FAM178B: variants seen among roughly 807,000 people sequenced by gnomAD.
The protein encoded by FAM178B is family with sequence similarity 178 member B.
In FAM178B, 82 loss-of-function variants were observed where a neutral mutation model predicts 91.7. The ratio of observed to expected loss-of-function variants is 0.89; its 90% CI spans 0.75 to 1.07. The LOEUF (loss-of-function observed/expected upper bound fraction) is 1.07, where lower values mean the gene tolerates loss of function less well. Ranked by LOEUF, FAM178B falls within the 50% of genes least tolerant of loss-of-function variation. FAM178B has a pLI of 0.00. For synonymous variants in FAM178B, 368 were observed against 359.4 expected (o/e 1.02, Z -0.27); for missense variants, 769 against 846.7 (o/e 0.91, Z 1.14).
intron 8 of FAM178B, among the ~76,000 whole-genome samples, chr2:96,931,797 T>A (rs772204639): frequency 6.6e-6 from 1 of 151,760 alleles, no homozygotes; most frequent in African/African-American, 2.4e-5. Context: ...GTATATGGGT[T>A]GAGACTCACC....
chr2:96,925,767 C>CT (rs1487508334), intron 9 of FAM178B, among the ~76,000 whole-genome samples: 1 of 152,174 alleles, frequency 6.6e-6, no homozygotes, highest in Non-Finnish European at 1.5e-5. Context: ...ATGTCACTGG[C>CT]CTCTACCCAG....
At chr2:96,941,071 TATAG>T (rs1460495811) in intron 8 of FAM178B, among the ~76,000 whole-genome samples, 1 of 152,188 alleles carries the variant, frequency 6.6e-6, no homozygotes, top group Admixed American at 6.5e-5. Context: ...AGAAATACGG[TATAG>T]ATAAACATAT....
intron 12 of FAM178B, among the ~76,000 whole-genome samples, chr2:96,906,810 C>A (rs567048560): frequency 6.7e-6 from 1 of 149,218 alleles, no homozygotes; most frequent in Non-Finnish European, 1.5e-5. Context: ...GCAGCTGGGC[C>A]GGGAACACAG....
In FAM178B at chr2:96,960,372, A is replaced by G; in HGVS notation, c.803T>C (p.Phe268Ser). ...TGGCAGGGGGTGACACCTGGGCAGA[A>G]ACACAGTCTCACCTGGATGGACCGG... ...IPPVHPGETV[F>S]LPRCHPLPCI... Residue 268 changes from phenylalanine to serine, a missense_variant, in exon 6 of 17, where the codon TTT becomes TCT. Physicochemically the swap from Phe to Ser is radical, Grantham distance 155. Coordinates refer to ENST00000490605, the MANE Select transcript of FAM178B (RefSeq NM_001122646.3). 6 of 1,551,900 alleles carry G rather than the reference A, an allele frequency of 3.9e-6. No individual in the cohort carries two copies. Among genetic ancestry groups the G allele is most frequent in the Non-Finnish European group, 5.2e-6 (6 of 1,147,020 alleles).
At chr2:96,958,084 T>C (rs2082025798) in intron 6 of FAM178B, among the ~76,000 whole-genome samples, 1 of 150,890 alleles carries the variant, frequency 6.6e-6, no homozygotes, top group Non-Finnish European at 1.5e-5. Flanking sequence ...TTTTTTTTTT[T>C]TTGAGATGGA....
intron 12 of FAM178B, among the ~76,000 whole-genome samples, chr2:96,905,844 A>ATATG (rs2081033127): frequency 2.8e-4 from 8 of 28,610 alleles, no homozygotes; most frequent in Non-Finnish European, 5.3e-4. Context: ...ATATATATAT[A>ATATG]TATATATATA....
At chr2:96,896,190 C>T (rs62152900) in intron 13 of FAM178B, among the ~76,000 whole-genome samples, 15,845 of 152,202 alleles carry the variant, frequency 0.1, 909 homozygotes, top group African/African-American at 0.15. Context: ...CTCCCTGCTA[C>T]GGGAGGCCTG....
At chr2:96,893,847 G>C in intron 14 of FAM178B, 79 bp downstream of exon 14, 1 of 1,505,308 alleles carries the variant, frequency 6.6e-7, no homozygotes, top group East Asian at 2.4e-5. Context: ...GCCATGCAAT[G>C]TGGACAGCCC....
At chr2:96,958,928 C>T (rs1055489335) in intron 6 of FAM178B, among the ~76,000 whole-genome samples, 10 of 151,734 alleles carry the variant, frequency 6.6e-5, no homozygotes, top group East Asian at 1.9e-4. Flanking sequence ...TGGCTGGACA[C>T]GGTGGCTCAT....
At chr2:96,893,736 A>G (rs1184959173) in intron 14 of FAM178B, among the ~76,000 whole-genome samples, 190 bp downstream of exon 14, 1 of 152,120 alleles carries the variant, frequency 6.6e-6, no homozygotes, top group Admixed American at 6.5e-5. Flanking sequence ...GGGTAACAGC[A>G]CTAATTACAG....
chr2:96,983,479 CG>C (rs1559111209), intron 1 of FAM178B, among the ~76,000 whole-genome samples: 1 of 151,774 alleles, frequency 6.6e-6, no homozygotes, highest in South Asian at 2.1e-4. Context: ...TGCCCAGACT[CG>C]GATGGTGTGA....
At chr2:96,984,369 C>A (rs1427840537) in intron 1 of FAM178B, among the ~76,000 whole-genome samples, 2 of 152,194 alleles carry the variant, frequency 1.3e-5, no homozygotes, top group Non-Finnish European at 2.9e-5. Flanking sequence ...ATGTGTCAGG[C>A]AGTATGCTGA....
chr2:96,959,829 T>C (rs922273576), intron 6 of FAM178B, among the ~76,000 whole-genome samples: 5 of 152,244 alleles, frequency 3.3e-5, no homozygotes, highest in South Asian at 2.1e-4. Context: ...AGCTGTTGTA[T>C]TGTTAGAGCA....
intron 9 of FAM178B, among the ~76,000 whole-genome samples, chr2:96,928,190 C>A (rs555475210): frequency 5.3e-5 from 8 of 152,158 alleles, no homozygotes; most frequent in Admixed American, 1.3e-4. Context: ...CACCTCCTGG[C>A]GCTGACGGAT....
At chr2:96,917,886 C>T (rs775043593) in intron 12 of FAM178B, among the ~76,000 whole-genome samples, 5 of 152,090 alleles carry the variant, frequency 3.3e-5, no homozygotes, top group Non-Finnish European at 5.9e-5. Flanking sequence ...GAAAAATTGA[C>T]GTTGGGTCCC....
intron 14 of FAM178B, among the ~76,000 whole-genome samples, chr2:96,884,774 C>T (rs2080475609): frequency 1.3e-5 from 2 of 152,252 alleles, no homozygotes; most frequent in Admixed American, 6.5e-5. Flanking sequence ...GGTTGCACCT[C>T]TGAGCCTTGG....
chr2:96,958,697 T>TAAAAAAAAAAAAAAAA (rs55924441), intron 6 of FAM178B, among the ~76,000 whole-genome samples: 1 of 55,534 alleles, frequency 1.8e-5, no homozygotes, highest in African/African-American at 6.9e-5. Context: ...CTCAAAATAC[T>TAAAAAAAAAAAAAAAA]AAAAAAAAAA....
intron 16 of FAM178B, among the ~76,000 whole-genome samples, chr2:96,877,335 T>C (rs2080267395): frequency 6.6e-6 from 1 of 151,946 alleles, no homozygotes; most frequent in African/African-American, 2.4e-5. Context: ...GGGTGACTTT[T>C]CTTTGCATTT....
intron 12 of FAM178B, among the ~76,000 whole-genome samples, chr2:96,920,032 G>T (rs2153370742): frequency 6.6e-6 from 1 of 152,260 alleles, no homozygotes; most frequent in Admixed American, 6.5e-5. Flanking sequence ...CCAGTGGAGG[G>T]TAACACAGAG....
Sources: allele counts gnomAD v4.1 joint callset (sites outside exome capture counted in the v4.1 genomes callset), GRCh38; gene constraint gnomAD v4.1.1; transcripts MANE v1.5; gene names NCBI Gene and HGNC (gene_info 2026-07-23, HGNC 2026-07-21).